Variants in SUCLG2 observed in about 807,000 individuals in gnomAD.
SUCLG2 encodes the protein succinate-CoA ligase GDP-forming subunit beta.
SUCLG2 carries 42 observed loss-of-function variants against 47.9 expected under a neutral mutation model. The ratio of observed to expected loss-of-function variants is 0.88; its 90% confidence interval spans 0.69 to 1.14. The LOEUF (loss-of-function observed/expected upper bound fraction) is 1.14. Ranked by LOEUF, SUCLG2 falls within the 50% of genes most tolerant of loss-of-function variation. The probability of loss-of-function intolerance (pLI) is 0.00; values close to 1 mark genes in which losing one functional copy is unlikely to be tolerated. For synonymous variants in SUCLG2, 195 were observed against 197.3 expected (o/e 0.99, Z 0.10); for missense variants, 571 against 525.9 (o/e 1.09, Z -0.84).
At chr3:67,468,129 A>T (rs1704518946) in intron 9 of SUCLG2, among the ~76,000 whole-genome samples, 1 of 152,170 alleles carries the variant, frequency 6.6e-6, no homozygotes, top group African/African-American at 2.4e-5. Flanking sequence ...GAGGAGGCAA[A>T]AAAATCGAAC....
At chr3:67,558,846 T>C (rs959136323) in intron 2 of SUCLG2, among the ~76,000 whole-genome samples, 1 of 152,186 alleles carries the variant, frequency 6.6e-6, no homozygotes, top group Non-Finnish European at 1.5e-5. Flanking sequence ...ATGATCCTTT[T>C]ACCCTTACCA....
intron 9 of SUCLG2, among the ~76,000 whole-genome samples, chr3:67,437,154 A>G (rs999995975): frequency 3.3e-5 from 5 of 152,186 alleles, no homozygotes; most frequent in Admixed American, 1.3e-4. Context: ...GTGTAAACAG[A>G]GAGAGCAAGC....
chr3:67,601,295 T>C (rs9869329), intron 2 of SUCLG2, among the ~76,000 whole-genome samples: 55,919 of 152,100 alleles, frequency 0.37, 10,621 homozygotes, highest in Non-Finnish European at 0.41. Context: ...AGGCTTCCTC[T>C]AAGTAATGAG....
intron 9 of SUCLG2, among the ~76,000 whole-genome samples, chr3:67,490,299 A>G (rs1705173567): frequency 3.9e-5 from 6 of 152,208 alleles, no homozygotes. Flanking sequence ...GTGAATCCTA[A>G]AATATATTAA....
intron 10 of SUCLG2, among the ~76,000 whole-genome samples, chr3:67,366,709 G>A (rs1354054850): frequency 4.6e-5 from 7 of 152,252 alleles, no homozygotes; most frequent in Admixed American, 4.6e-4. Context: ...TGACAACGTT[G>A]AGCAGAATTT....
At chr3:67,645,468 T>TA (rs1294893750) in intron 1 of SUCLG2, among the ~76,000 whole-genome samples, 1 of 152,178 alleles carries the variant, frequency 6.6e-6, no homozygotes, top group Non-Finnish European at 1.5e-5. Context: ...TGCATCATTT[T>TA]AAAATTCATG....
intron 9 of SUCLG2, among the ~76,000 whole-genome samples, chr3:67,486,049 T>C (rs963407729): frequency 5.3e-5 from 8 of 152,154 alleles, no homozygotes; most frequent in Non-Finnish European, 7.3e-5. Flanking sequence ...AAGAGGCAGA[T>C]CGCTTGAGCC....
intron 2 of SUCLG2, among the ~76,000 whole-genome samples, chr3:67,574,503 G>A (rs1396938631): frequency 2.0e-5 from 3 of 152,200 alleles, no homozygotes; most frequent in Admixed American, 6.5e-5. Flanking sequence ...AAATGGTAGA[G>A]ACAATAGCAC....
chr3:67,360,761 A>G (rs565362202), exon 11 of SUCLG2: 2 of 1,512,640 alleles, frequency 1.3e-6, no homozygotes, highest in Non-Finnish European at 1.8e-6. Context: ...TTTTTTCCAT[A>G]AAAGTACCTG....
At chr3:67,366,188 G>A (rs534894504) in intron 10 of SUCLG2, among the ~76,000 whole-genome samples, 154 of 152,186 alleles carry the variant, frequency 1.0e-3, no homozygotes, top group African/African-American at 3.4e-3. Flanking sequence ...TTGGTCGGGC[G>A]CAGTGGCTCA....
At chr3:67,403,079 C>T (rs778309201) in intron 9 of SUCLG2, among the ~76,000 whole-genome samples, 6 of 152,046 alleles carry the variant, frequency 3.9e-5, no homozygotes, top group African/African-American at 1.4e-4. Context: ...GTTAGTATCT[C>T]GTGTTTAATT....
intron 10 of SUCLG2, among the ~76,000 whole-genome samples, chr3:67,363,059 A>G (rs1412930580): frequency 5.3e-5 from 8 of 152,160 alleles, no homozygotes; most frequent in Non-Finnish European, 8.8e-5. Context: ...TCAATAAATC[A>G]CTTGCAGGAA....
chr3:67,648,109 T>C (rs35084007), intron 1 of SUCLG2, among the ~76,000 whole-genome samples: 27 of 152,238 alleles, frequency 1.8e-4, no homozygotes, highest in Admixed American at 1.8e-3. Context: ...TTAATCTTTG[T>C]AACTATCTGT....
At chr3:67,621,205 G>A (rs553877865) in intron 1 of SUCLG2, among the ~76,000 whole-genome samples, 1 of 152,242 alleles carries the variant, frequency 6.6e-6, no homozygotes, top group South Asian at 2.1e-4. Flanking sequence ...CCAGTGTGCT[G>A]ATCTCTCAAC....
intron 9 of SUCLG2, among the ~76,000 whole-genome samples, chr3:67,423,160 C>T (rs982885163): frequency 1.1e-4 from 16 of 152,030 alleles, no homozygotes; most frequent in Admixed American, 3.3e-4. Context: ...ATCATGGGGG[C>T]GGTTCCCCCA....
intron 9 of SUCLG2, among the ~76,000 whole-genome samples, chr3:67,475,510 C>G (rs1350279242): frequency 6.6e-6 from 1 of 152,164 alleles, no homozygotes; most frequent in East Asian, 1.9e-4. Flanking sequence ...CCAAAGAGAT[C>G]CTGTAACTTG....
rs761997838 is a variant in SUCLG2 at position 67,520,570 on chromosome 3, G to A, written c.482C>T (p.Ser161Phe). The A allele has an allele frequency of 6.2e-7, 1 of 1,614,160 alleles. No homozygotes were observed. Among genetic ancestry groups the A allele is most frequent in the South Asian group, 1.1e-5 (1 of 91,076 alleles). Residue 161 changes from serine to phenylalanine, a missense_variant, in exon 5 of 11, where the codon TCC becomes TTC. Transcript: ENST00000307227. ...ETYLAILMDR[S>F]CNGPVLVGSP... ...GCCCACCAGCACGGGGCCATTGCAG[G>A]ACCGGTCCATCAGAATTGCCAGGTA...
At chr3:67,500,998 T>C (rs1705480489) in intron 7 of SUCLG2, among the ~76,000 whole-genome samples, 1 of 152,216 alleles carries the variant, frequency 6.6e-6, no homozygotes, top group Admixed American at 6.5e-5. Flanking sequence ...AGGATGTTTT[T>C]CTGTGGTATG....
chr3:67,488,109 G>GTA (rs771189675), intron 9 of SUCLG2, among the ~76,000 whole-genome samples: 9 of 151,228 alleles, frequency 6.0e-5, no homozygotes, highest in African/African-American at 1.2e-4. Flanking sequence ...ACTAGTGTGT[G>GTA]TATATATATA....
Sources: allele counts gnomAD v4.1 joint callset (sites outside exome capture counted in the v4.1 genomes callset), GRCh38; gene constraint gnomAD v4.1.1; transcripts MANE v1.5; gene names NCBI Gene and HGNC (gene_info 2026-07-23, HGNC 2026-07-21).